The following MPP7 variants were observed in gnomAD, a reference collection of about 807,000 sequenced individuals.
MPP7 encodes the protein MAGUK p55 scaffold protein 7.
MPP7 carries 60 observed loss-of-function variants against 76.5 expected under a neutral mutation model. The ratio of observed to expected loss-of-function variants is 0.78; its 90% CI spans 0.64 to 0.97. The LOEUF is 0.97. MPP7 is among the 50% of genes least tolerant of loss of function. MPP7 has a pLI of 0.00. For missense variants in MPP7, 641 were observed against 694.0 expected, an observed-to-expected ratio of 0.92 and a Z score of 0.86; for synonymous variants, 237 against 244.5, an observed-to-expected ratio of 0.97 and a Z score of 0.29.
At chr10:28,055,379 T>C (rs1851515840) in intron 16 of MPP7, among the ~76,000 whole-genome samples, 2 of 152,184 alleles carry the variant, frequency 1.3e-5, no homozygotes, top group Non-Finnish European at 2.9e-5. Flanking sequence ...CTGTATTTTG[T>C]AACCACAATG....
rs200681825 is a variant in MPP7 at position 28,110,089 on chromosome 10, TC to T, written c.952+9561del. On this transcript the variant is annotated intron_variant, in intron 11 of 16. Coordinates refer to ENST00000683449, the MANE Select transcript of MPP7 (RefSeq NM_001318170.2). ...GAGAGGTTTATATTTTCTTCTTTTT[TC>T]TTTTTTCTTTTTTTTTTTGAGATGG... Among the ~76,000 whole-genome samples the T allele has an allele frequency of 4.7e-3, 706 of 151,476 alleles. 10 individuals carry two copies. The highest frequency in any genetic ancestry group is 0.017 in the African/African-American group (690 of 41,376).
intron 1 of MPP7, among the ~76,000 whole-genome samples, chr10:28,333,495 T>A (rs1320638475): frequency 2.0e-5 from 3 of 152,162 alleles, no homozygotes; most frequent in Non-Finnish European, 1.5e-5. Flanking sequence ...TTAGCACACA[T>A]CATAAATTTT....
intron 11 of MPP7, among the ~76,000 whole-genome samples, chr10:28,104,032 G>A (rs558625694): frequency 6.6e-6 from 1 of 152,054 alleles, no homozygotes; most frequent in Non-Finnish European, 1.5e-5. Context: ...TAGTACTTTG[G>A]AGAAAACATA....
At chr10:28,132,014 TG>T (rs1418212607) in intron 5 of MPP7, among the ~76,000 whole-genome samples, 3 of 151,878 alleles carry the variant, frequency 2.0e-5, no homozygotes, top group Admixed American at 6.6e-5. Flanking sequence ...GGTAGCAATT[TG>T]GGGCAAGAGT....
chr10:28,290,286 C>A (rs1284069750), intron 1 of MPP7, among the ~76,000 whole-genome samples: 2 of 131,862 alleles, frequency 1.5e-5, no homozygotes. Flanking sequence ...TTTTACTTTC[C>A]TTTTTTTTTT....
At chr10:28,195,101 C>T (rs1374445473) in intron 3 of MPP7, among the ~76,000 whole-genome samples, 1 of 151,918 alleles carries the variant, frequency 6.6e-6, no homozygotes, top group Non-Finnish European at 1.5e-5. Flanking sequence ...GACATTTCTC[C>T]AAAGAAGACA....
At chr10:28,313,172 T>A (rs554636578) in intron 2 of MPP7, among the ~76,000 whole-genome samples, 9 of 152,270 alleles carry the variant, frequency 5.9e-5, no homozygotes, top group African/African-American at 2.2e-4. Flanking sequence ...ACTTAATAGT[T>A]AACTCTCTGA....
chr10:28,290,743 G>A (rs1258696071), intron 1 of MPP7, among the ~76,000 whole-genome samples: 2 of 152,084 alleles, frequency 1.3e-5, no homozygotes, highest in East Asian at 3.9e-4. Flanking sequence ...AAAGTGCTGG[G>A]ATTACAGGCA....
At chr10:28,193,266 G>A (rs1270783643) in intron 3 of MPP7, among the ~76,000 whole-genome samples, 1 of 149,846 alleles carries the variant, frequency 6.7e-6, no homozygotes, top group Non-Finnish European at 1.5e-5. Flanking sequence ...AGGCTGGAGT[G>A]CAGTGGCACG....
chr10:28,205,082 C>T lies in MPP7; in HGVS notation c.38-2811G>A, dbSNP rs974932850. ...TAACTAATATCCCACCACAGTTTGG[C>T]ACTCTAGTAACAAGAGCCGTACCTT... On this transcript the variant is annotated intron_variant, in intron 2 of 16. Transcript: ENST00000683449. Among the ~76,000 whole-genome samples the T allele has an allele frequency of 2.0e-5, 3 of 152,118 alleles. No homozygotes were observed. The East Asian group carries it at 5.8e-4, about 29-fold the overall frequency.
rs1851701236 is a variant in MPP7 at position 28,059,726 on chromosome 10, T to C, written c.1222A>G (p.Arg408Gly). 1 of 1,613,034 alleles carries C rather than the reference T, an allele frequency of 6.2e-7. No individual in the cohort carries two copies. The change falls in exon 14 of 17, where the codon AGA becomes GGA. Residue 408 changes from arginine to glycine, a missense_variant. By Grantham distance (125) the Arg-to-Gly change is moderately radical (BLOSUM62 -2). Coordinates refer to ENST00000683449, the MANE Select transcript of MPP7 (RefSeq NM_001318170.2). ...TCAACACCATCACTCTCCTGGCTTC[T>C]TCTTGCTCTGGTGGTATCTATGATT... ...VTVPHTTRAR[R>G]SQESDGVEYI...
chr10:28,073,087 T>C (rs1290184392), intron 12 of MPP7, among the ~76,000 whole-genome samples: 2 of 152,162 alleles, frequency 1.3e-5, no homozygotes, highest in African/African-American at 2.4e-5. Context: ...ATTTTATGTT[T>C]TCCTTATCAT....
intron 2 of MPP7, among the ~76,000 whole-genome samples, chr10:28,324,136 G>C (rs1211092735): frequency 1.3e-5 from 2 of 152,092 alleles, no homozygotes; most frequent in African/African-American, 4.8e-5. Flanking sequence ...TAGGAGGCAG[G>C]GTCTTTGGGG....
chr10:28,165,044 T>C (rs1292407676), intron 3 of MPP7, among the ~76,000 whole-genome samples: 2 of 152,100 alleles, frequency 1.3e-5, no homozygotes, highest in Non-Finnish European at 2.9e-5. Flanking sequence ...AATATGGTGA[T>C]TCTCTTCGCC....
At chr10:28,123,064 C>T (rs1834895028) in intron 8 of MPP7, among the ~76,000 whole-genome samples, 1 of 151,910 alleles carries the variant, frequency 6.6e-6, no homozygotes, top group Non-Finnish European at 1.5e-5. Context: ...AACCTGATAC[C>T]ATCTATGAAA....
intron 2 of MPP7, among the ~76,000 whole-genome samples, chr10:28,204,921 T>C (rs1246939257): frequency 1.3e-5 from 2 of 152,216 alleles, no homozygotes; most frequent in Non-Finnish European, 2.9e-5. Flanking sequence ...ATGGAAAGTG[T>C]TAACTTTACC....
chr10:28,210,941 T>C (rs752909269), intron 2 of MPP7, among the ~76,000 whole-genome samples: 2 of 152,216 alleles, frequency 1.3e-5, no homozygotes, highest in Non-Finnish European at 2.9e-5. Flanking sequence ...ATCCACACTA[T>C]ACTAGACGAT....
At chr10:28,227,719 A>G (rs1588952977) in intron 2 of MPP7, among the ~76,000 whole-genome samples, 1 of 152,156 alleles carries the variant, frequency 6.6e-6, no homozygotes, top group Non-Finnish European at 1.5e-5. Context: ...CCAGTCTATC[A>G]TTGATGGACA....
At chr10:28,316,784 T>A (rs139427076) in intron 2 of MPP7, among the ~76,000 whole-genome samples, 1 of 152,196 alleles carries the variant, frequency 6.6e-6, no homozygotes, top group Non-Finnish European at 1.5e-5. Flanking sequence ...GTAGGAAAAG[T>A]TAAGTTTTCA....
Sources: gnomAD v4.1 joint callset for allele counts (sites outside exome capture counted in the v4.1 genomes callset) on GRCh38, gnomAD v4.1.1 for gene constraint, MANE v1.5 for transcripts, NCBI Gene and HGNC (gene_info 2026-07-23, HGNC 2026-07-21) for gene names.